ADGRG6: variants seen among roughly 807,000 people sequenced by gnomAD.
ADGRG6 encodes adhesion G protein-coupled receptor G6.
A neutral mutation model predicts 142.4 loss-of-function variants in ADGRG6; 84 were observed. The ratio of observed to expected loss-of-function variants is 0.59; its 90% CI spans 0.49 to 0.71. ADGRG6 has a LOEUF of 0.71. Ranked by LOEUF, ADGRG6 falls within the 30% of genes least tolerant of loss-of-function variation. The pLI is 0.00. For synonymous variants in ADGRG6, 521 were observed against 520.5 expected, an observed-to-expected ratio of 1.00 and a Z score of -0.01; for missense variants, 1,367 against 1,466.6, an observed-to-expected ratio of 0.93 and a Z score of 1.11.
At chr6:142,371,999 A>T (rs572288460) in intron 4 of ADGRG6, among the ~76,000 whole-genome samples, 53 of 152,254 alleles carry the variant, frequency 3.5e-4, no homozygotes, top group South Asian at 1.9e-3. Flanking sequence ...CATTTTTTTT[A>T]AAATGAGGAT....
At chr6:142,358,899 A>C (rs1473692225) in intron 2 of ADGRG6, among the ~76,000 whole-genome samples, 1 of 151,650 alleles carries the variant, frequency 6.6e-6, no homozygotes, top group East Asian at 1.9e-4. Context: ...CTCTGTCTCA[A>C]AAAAAGTATC....
At chr6:142,345,025 C>T (rs184459140) in intron 2 of ADGRG6, among the ~76,000 whole-genome samples, 1 of 152,068 alleles carries the variant, frequency 6.6e-6, no homozygotes, top group African/African-American at 2.4e-5. Context: ...TTCCAACCAG[C>T]CCAATAAAGG....
intron 17 of ADGRG6, among the ~76,000 whole-genome samples, chr6:142,410,295 C>G (rs1226296039): frequency 6.6e-6 from 1 of 152,064 alleles, no homozygotes; most frequent in African/African-American, 2.4e-5. Flanking sequence ...ATGTGTAAGG[C>G]AGACAATTTA....
intron 2 of ADGRG6, among the ~76,000 whole-genome samples, chr6:142,314,799 T>A (rs901828853): frequency 3.3e-5 from 5 of 152,162 alleles, no homozygotes; most frequent in Non-Finnish European, 7.3e-5. Flanking sequence ...AGGACAAGTG[T>A]GTTAATGCTG....
intron 15 of ADGRG6, among the ~76,000 whole-genome samples, chr6:142,407,170 T>TAAAAAAAAAAAAAAAAAAA (rs11414768): frequency 3.3e-5 from 4 of 121,006 alleles, no homozygotes; most frequent in African/African-American, 1.3e-4. Flanking sequence ...CCCGTCTCTT[T>TAAAAAAAAAAAAAAAAAAA]AAAAAAAAAA....
At chr6:142,439,119 C>T (rs181588473) in intron 24 of ADGRG6, among the ~76,000 whole-genome samples, 66 of 152,258 alleles carry the variant, frequency 4.3e-4, no homozygotes, top group Non-Finnish European at 7.9e-4. Flanking sequence ...AACTGTACCA[C>T]AGCCTGGGCA....
intron 18 of ADGRG6, 63 bp downstream of exon 18, chr6:142,411,474 T>C (rs1776083441): frequency 2.5e-6 from 2 of 815,480 alleles, no homozygotes; most frequent in Non-Finnish European, 4.4e-6. Flanking sequence ...TACTCCTTTT[T>C]TGTATGTATT....
intron 2 of ADGRG6, among the ~76,000 whole-genome samples, chr6:142,364,878 T>C (rs1780876379): frequency 6.6e-6 from 1 of 151,976 alleles, no homozygotes; most frequent in Admixed American, 6.6e-5. Flanking sequence ...AAAATAATAA[T>C]GATAATAAAT....
At chr6:142,369,766 G>T (rs1329340582) in intron 3 of ADGRG6, among the ~76,000 whole-genome samples, 1 of 152,186 alleles carries the variant, frequency 6.6e-6, no homozygotes, top group Non-Finnish European at 1.5e-5. Context: ...TTTATGTTTA[G>T]AAATCATTTG....
chr6:142,417,208 T>C, intron 20 of ADGRG6, 65 bp from the exon 21 acceptor site: 1 of 809,622 alleles, frequency 1.2e-6, no homozygotes, highest in South Asian at 1.4e-5. Flanking sequence ...TACATTTCAT[T>C]AGCAGTCTTA....
intron 1 of ADGRG6, among the ~76,000 whole-genome samples, chr6:142,305,742 T>C (rs1777464587): frequency 6.6e-6 from 1 of 152,158 alleles, no homozygotes; most frequent in African/African-American, 2.4e-5. Flanking sequence ...ATGTAATTCT[T>C]AAGGCTGAGT....
chr6:142,357,529 C>T (rs951181632), intron 2 of ADGRG6, among the ~76,000 whole-genome samples: 5 of 152,102 alleles, frequency 3.3e-5, no homozygotes, highest in African/African-American at 1.2e-4. Context: ...CTGGTTGCAC[C>T]TATAATTTGC....
rs1781011702 is a variant in ADGRG6 at position 142,367,658 on chromosome 6, C to G, written c.193C>G (p.Gln65Glu). 6.2e-7 allele frequency: 1 copy of G among 1,613,760 alleles called. No homozygotes were observed. Among genetic ancestry groups the G allele is most frequent in the African/African-American group, 1.3e-5 (1 of 74,888 alleles). ...CTACCCTAACGACTACCCAAACAGC[C>G]AGGCTTGCATGTGGACGCTCCGAGC... Reference protein sequence around the residue: ...PCYPNDYPNSQACMWTLRAPT... With the variant: ...PCYPNDYPNSEACMWTLRAPT... The change falls in exon 3 of 25, where the codon CAG becomes GAG. Residue 65 changes from glutamine to glutamate, a missense_variant. Physicochemically the swap from Gln to Glu is conservative, Grantham distance 29. Coordinates refer to ENST00000367609, the MANE Select transcript of ADGRG6 (RefSeq NM_198569.3).
chr6:142,414,860 G>A, intron 18 of ADGRG6, 109 bp from the exon 19 acceptor site: 2 of 712,276 alleles, frequency 2.8e-6, no homozygotes, highest in South Asian at 3.7e-5. Context: ...GTTGGTTTTA[G>A]CCCCTGAGAG....
intron 2 of ADGRG6, among the ~76,000 whole-genome samples, chr6:142,363,999 T>C (rs1018744242): frequency 1.3e-5 from 2 of 151,456 alleles, no homozygotes; most frequent in East Asian, 2.0e-4. Flanking sequence ...TTTGTTTAAT[T>C]GTGGCAACTT....
intron 2 of ADGRG6, among the ~76,000 whole-genome samples, chr6:142,366,593 A>G (rs1031636694): frequency 6.6e-6 from 1 of 152,118 alleles, no homozygotes; most frequent in Non-Finnish European, 1.5e-5. Flanking sequence ...ACTGAAGTAT[A>G]AGAATTCTTT....
chr6:142,357,502 A>G (rs964024841), intron 2 of ADGRG6, among the ~76,000 whole-genome samples: 3 of 152,218 alleles, frequency 2.0e-5, no homozygotes, highest in African/African-American at 7.2e-5. Context: ...AGTGTTCCAT[A>G]AAGGGGAAAA....
chr6:142,441,741 GA>G (rs1017583941), intron 24 of ADGRG6, among the ~76,000 whole-genome samples: 2 of 152,142 alleles, frequency 1.3e-5, no homozygotes, highest in African/African-American at 4.8e-5. Flanking sequence ...TAAGTCAATA[GA>G]AAAATCCCCA....
intron 6 of ADGRG6, among the ~76,000 whole-genome samples, chr6:142,387,394 A>G (rs1476278079): frequency 6.6e-6 from 1 of 152,234 alleles, no homozygotes; most frequent in Non-Finnish European, 1.5e-5. Flanking sequence ...AGTTTCTCAC[A>G]TACGTTTAGC....
Sources: allele counts gnomAD v4.1 joint callset (sites outside exome capture counted in the v4.1 genomes callset), GRCh38; gene constraint gnomAD v4.1.1; transcripts MANE v1.5; gene names NCBI Gene and HGNC (gene_info 2026-07-23, HGNC 2026-07-21).